ITGAV: variants seen among roughly 807,000 people sequenced by gnomAD.
ITGAV encodes the protein integrin alpha-V.
A neutral mutation model predicts 143.8 loss-of-function variants in ITGAV; 76 were observed. The observed-to-expected ratio is 0.53, with a 90% CI of 0.44 to 0.64. The LOEUF (loss-of-function observed/expected upper bound fraction) is 0.64, where lower values mean the gene tolerates loss of function less well. ITGAV is among the 30% of genes least tolerant of loss of function. The pLI is 0.00. For synonymous variants in ITGAV, 453 were observed against 446.7 expected, an observed-to-expected ratio of 1.01 and a Z score of -0.18; for missense variants, 1,193 against 1,274.7, an observed-to-expected ratio of 0.94 and a Z score of 0.98.
chr2:186,598,799 G>A (rs1390503723), intron 1 of ITGAV, among the ~76,000 whole-genome samples: 3 of 152,112 alleles, frequency 2.0e-5, no homozygotes, highest in East Asian at 1.9e-4. Context: ...TCATTTTGCC[G>A]TGATGGGAGA....
intron 6 of ITGAV, 129 bp downstream of exon 6, chr2:186,633,503 C>T: frequency 5.0e-6 from 2 of 399,806 alleles, no homozygotes; most frequent in Non-Finnish European, 4.6e-6. Flanking sequence ...AGTATATAAA[C>T]ACTCCATTTT....
At chr2:186,614,830 C>G (rs959388618) in intron 2 of ITGAV, among the ~76,000 whole-genome samples, 2 of 151,866 alleles carry the variant, frequency 1.3e-5, no homozygotes, top group Non-Finnish European at 2.9e-5. Context: ...TTTCTCCTGA[C>G]AAATCTGTCC....
intron 12 of ITGAV, among the ~76,000 whole-genome samples, chr2:186,645,482 T>G (rs1574487390): frequency 1.4e-5 from 2 of 146,252 alleles, no homozygotes; most frequent in East Asian, 2.0e-4. Flanking sequence ...GGCGTGGGGG[T>G]GGGGATGGGG....
chr2:186,636,274 C>T, intron 7 of ITGAV, 67 bp downstream of exon 7: 1 of 1,226,490 alleles, frequency 8.2e-7, no homozygotes, highest in Non-Finnish European at 1.1e-6. Context: ...TGAGTATGGT[C>T]TTTTAAGTAG....
rs1394395616 is a variant in ITGAV, at chr2:186,605,744, A to G, written c.316+3593A>G. ...TCCTTTAGTGGTTGTAGATGTGTATATATATATATATATATTTATATGTAT... is the reference window on the plus strand; with the variant it reads ...TCCTTTAGTGGTTGTAGATGTGTATGTATATATATATATATTTATATGTAT... On this transcript the variant is annotated intron_variant, in intron 2 of 29. Transcript: ENST00000261023. Among the ~76,000 whole-genome samples the G allele has an allele frequency of 1.6e-3, 14 of 8,822 alleles. 1 individual carries two copies. Among genetic ancestry groups the G allele is most frequent in the East Asian group, 0.018 (2 of 114 alleles). 5.8% of individuals were successfully genotyped at this position (8,822 alleles called of 152,430 possible). A position where few individuals can be genotyped will look rare whatever the true frequency, so the allele number is the denominator to read the frequency against.
chr2:186,617,399 A>G (rs1458546213), intron 2 of ITGAV, among the ~76,000 whole-genome samples: 1 of 152,228 alleles, frequency 6.6e-6, no homozygotes, highest in Non-Finnish European at 1.5e-5. Context: ...GGCTGCTAAT[A>G]AGGAGTAGAG....
chr2:186,646,591 TCCC>T, intron 12 of ITGAV, 92 bp from the exon 13 acceptor site: 1 of 801,622 alleles, frequency 1.2e-6, no homozygotes, highest in Non-Finnish European at 2.0e-6. Context: ...CTTGCCCTCT[TCCC>T]CCCTTCTCTC....
At chr2:186,600,348 C>A in intron 1 of ITGAV, 1 of 1,539,564 alleles carries the variant, frequency 6.5e-7, no homozygotes, top group Non-Finnish European at 8.8e-7. Context: ...CTCCTAGGCA[C>A]CCTCCTTCTG....
intron 26 of ITGAV, among the ~76,000 whole-genome samples, chr2:186,672,307 TTATC>T (rs1432082196): frequency 2.2e-4 from 34 of 152,342 alleles, no homozygotes; most frequent in African/African-American, 7.9e-4. Flanking sequence ...CACCTTTTGT[TTATC>T]TATTTATCAG....
intron 24 of ITGAV, 101 bp downstream of exon 24, chr2:186,667,877 A>T (rs1688944246): frequency 1.8e-6 from 1 of 566,688 alleles, no homozygotes; most frequent in South Asian, 3.8e-5. Flanking sequence ...ATTTTTATGT[A>T]AACTCTACAT....
Position 186,677,511 on chromosome 2 carries a change from TTAAA to T in ITGAV, c.*223_*226del, listed in dbSNP as rs1308525765. The T allele has an allele frequency of 6.9e-6, 3 of 435,736 alleles. No individual in the cohort carries two copies. The highest frequency in any genetic ancestry group is 2.0e-5 in the African/African-American group (1 of 50,528). The allele number at this position is 435,736 out of a possible 1,614,324, so 27.0% of individuals were successfully genotyped here. ...TAGGGTGACTTGTGTTTTTAGGTATTTAAATAATAAAATTTCAAGGGATAGTTTT... is the reference window on the plus strand; with the variant it reads ...TAGGGTGACTTGTGTTTTTAGGTATTTAATAAAATTTCAAGGGATAGTTTT... On this transcript the variant is annotated 3_prime_UTR_variant, in exon 30 of 30. Coordinates refer to ENST00000261023, the MANE Select transcript of ITGAV (RefSeq NM_002210.5).
intron 6 of ITGAV, among the ~76,000 whole-genome samples, chr2:186,633,876 A>C (rs1313687989): frequency 6.6e-6 from 1 of 152,132 alleles, no homozygotes; most frequent in East Asian, 1.9e-4. Flanking sequence ...CTTCTTAAAA[A>C]TTGAAGCTGG....
In ITGAV at chr2:186,676,802, T is replaced by A; in HGVS notation, c.2929-11T>A. The A allele has an allele frequency of 6.2e-7, 1 of 1,609,806 alleles. No homozygotes were observed. Among genetic ancestry groups the A allele is most frequent in the South Asian group, 1.1e-5 (1 of 89,800 alleles). Reference sequence around the variant, plus strand: ...ACTGTTTTTAAAACTAAAAGCTTTTTTCCTCGATAGGTTACCACTAATGTC... The same window carrying A: ...ACTGTTTTTAAAACTAAAAGCTTTTATCCTCGATAGGTTACCACTAATGTC... On this transcript the variant is annotated splice_polypyrimidine_tract_variant and intron_variant, in intron 28 of 29. Coordinates refer to ENST00000261023, the MANE Select transcript of ITGAV (RefSeq NM_002210.5).
At chr2:186,591,910 A>G (rs1316089943) in intron 1 of ITGAV, among the ~76,000 whole-genome samples, 1 of 152,176 alleles carries the variant, frequency 6.6e-6, no homozygotes, top group Non-Finnish European at 1.5e-5. Flanking sequence ...ACATTTACCA[A>G]TTTCACATTC....
intron 26 of ITGAV, among the ~76,000 whole-genome samples, chr2:186,673,284 T>G (rs1689117160): frequency 6.6e-6 from 1 of 152,240 alleles, no homozygotes; most frequent in Admixed American, 6.5e-5. Context: ...TATATGTATA[T>G]CCTTAATACA....
At chr2:186,674,177 C>T (rs933258323) in intron 26 of ITGAV, among the ~76,000 whole-genome samples, 1 of 152,074 alleles carries the variant, frequency 6.6e-6, no homozygotes, top group African/African-American at 2.4e-5. Flanking sequence ...AATCTCACTA[C>T]GTTGCCTAGG....
chr2:186,595,892 T>G (rs1686737873), intron 1 of ITGAV, among the ~76,000 whole-genome samples: 1 of 152,168 alleles, frequency 6.6e-6, no homozygotes. Flanking sequence ...TGATAAGAAA[T>G]GTTTAAGCTG....
chr2:186,673,200 G>A (rs1465057209), intron 26 of ITGAV, among the ~76,000 whole-genome samples: 1 of 152,118 alleles, frequency 6.6e-6, no homozygotes, highest in Admixed American at 6.6e-5. Flanking sequence ...AATGGTCTTG[G>A]CAGTCTTGTT....
intron 2 of ITGAV, among the ~76,000 whole-genome samples, chr2:186,619,424 G>A (rs1424638515): frequency 6.6e-6 from 1 of 152,102 alleles, no homozygotes; most frequent in African/African-American, 2.4e-5. Flanking sequence ...GGAAAATAGA[G>A]ATTTGTTTAA....
Sources: allele counts gnomAD v4.1 joint callset (sites outside exome capture counted in the v4.1 genomes callset), GRCh38; gene constraint gnomAD v4.1.1; transcripts MANE v1.5; gene names NCBI Gene and HGNC (gene_info 2026-07-23, HGNC 2026-07-21).